The following GRIN3B variants were observed in gnomAD, a reference collection of about 807,000 sequenced individuals.
The protein encoded by GRIN3B is glutamate ionotropic receptor NMDA type subunit 3B.
In GRIN3B, 77 loss-of-function variants were observed where a neutral mutation model predicts 66.0. The observed-to-expected ratio is 1.17, with a 90% CI of 0.97 to 1.41. GRIN3B has a LOEUF of 1.41. Ranked by LOEUF, GRIN3B falls within the 40% of genes most tolerant of loss-of-function variation. The probability of loss-of-function intolerance (pLI) is 0.00; values close to 1 mark genes in which losing one functional copy is unlikely to be tolerated. For missense variants in GRIN3B, 1,787 were observed against 1,564.5 expected (o/e 1.14, Z -2.40); for synonymous variants, 823 against 749.7 (o/e 1.10, Z -1.60).
At position 1,009,463 on chromosome 19, in the gene GRIN3B, G is replaced by A. The variant is rs1337768337; in HGVS notation, c.2993G>A (p.Arg998His). 13 of 1,478,704 alleles carry A rather than the reference G, an allele frequency of 8.8e-6. No homozygotes were observed. The African/African-American group carries it at 1.6e-4, about 18-fold the overall frequency. 91.6% of individuals were successfully genotyped at this position (1,478,704 alleles called of 1,614,324 possible). A position where few individuals can be genotyped will look rare whatever the true frequency, so the allele number is the denominator to read the frequency against. The change falls in exon 9 of 9, where the codon CGC becomes CAC. Residue 998 changes from arginine (R) to histidine (H), a missense_variant. Physicochemically the swap from Arg to His is conservative, Grantham distance 29. Transcript: ENST00000234389. ...RRIEVARERL[R>H]QALVRRGQLL... ...ATCGAAGTCGCGCGTGAGCGGCTCC[G>A]CCAGGCCCTGGTGCGGCGCGGCCAG...
Position 1,000,859 on chromosome 19 carries a change from C to T in GRIN3B, c.422C>T (p.Ala141Val), listed in dbSNP as rs2038678248. The change falls in exon 1 of 9, where the codon GCC (alanine) becomes GTC (valine). Residue 141 changes from alanine (A) to valine (V), a missense_variant. By Grantham distance (64) the Ala-to-Val change is moderately conservative. Transcript: ENST00000234389. ...LRREARAPLG[A>V]PNPFHLQLHW... is the part of the protein sequence containing the mutation. ...CGGGAGGCGCGCGCGCCCCTCGGAG[C>T]CCCGGTACGCGGGACGCCCGGAGTC... 3.5e-6 allele frequency: 5 copies of T among 1,411,588 alleles called. No homozygotes were observed. Among genetic ancestry groups the T allele is most frequent in the East Asian group, 3.1e-5 (1 of 32,762 alleles). 87.4% of individuals were successfully genotyped at this position (1,411,588 alleles called of 1,614,324 possible).
Position 1,003,562 on chromosome 19 carries a change from C to T in GRIN3B, c.859C>T (p.Pro287Ser), listed in dbSNP as rs762142662. 4 of 1,508,720 alleles carry T rather than the reference C, an allele frequency of 2.7e-6. No individual in the cohort carries two copies. In the African/African-American group the frequency reaches 4.3e-5, roughly 16 times the overall value. The allele number at this position is 1,508,720 out of a possible 1,614,324, so 93.5% of individuals were successfully genotyped here. ...GLLALGEVAR[P>S]PLEAAIHDIV... is the part of the protein sequence containing the mutation. ...GCTGGCGCTGGGCGAGGTGGCACGA[C>T]CCCCGCTGGAGGCCGCCATCCATGA... Residue 287 changes from proline to serine, a missense_variant, in exon 2 of 9, where the codon CCC (proline) becomes TCC (serine). Pro to Ser is a moderately conservative substitution (Grantham distance 74). Transcript: ENST00000234389.
Position 1,007,836 on chromosome 19 carries a change from C to G in GRIN3B, c.2199-20C>G. The G allele has an allele frequency of 6.4e-7, 1 of 1,569,618 alleles. No individual in the cohort carries two copies. The highest frequency in any genetic ancestry group is 8.7e-7 in the Non-Finnish European group (1 of 1,149,892). On this transcript the variant is annotated intron_variant, in intron 4 of 8. Transcript: ENST00000234389. The surrounding 1 kb of genome is among the most constrained non-coding windows in gnomAD (Gnocchi z 4.4). ...GGGGTGGGCGGGGCGATGGCTGACC[C>G]CCGCCCCCGGCCCCAGCAGGAGCGA...
At position 1,000,464 on chromosome 19, in the gene GRIN3B, G is replaced by C. The variant is rs1018530107; in HGVS notation, c.27G>C (p.Leu9=). 1.4e-5 allele frequency: 17 copies of C among 1,211,320 alleles called. No individual in the cohort carries two copies. The highest frequency in any genetic ancestry group is 1.7e-5 in the Non-Finnish European group (17 of 973,498). The allele number at this position is 1,211,320 out of a possible 1,614,324, so 75.0% of individuals were successfully genotyped here. A position where few individuals can be genotyped will look rare whatever the true frequency, so the allele number is the denominator to read the frequency against. Residue 9 remains leucine (L), a synonymous_variant, in exon 1 of 9, where the codon CTG becomes CTC. Coordinates refer to ENST00000234389, the MANE Select transcript of GRIN3B (RefSeq NM_138690.3). MEFVRALW[L]GLALALGPGS... ...TGGAGTTTGTGCGGGCGCTGTGGCT[G>C]GGCCTGGCGCTGGCGCTGGGGCCGG...
In GRIN3B at chr19:1,005,127, G is replaced by A. The variant is rs764650116; in HGVS notation, c.1626G>A (p.Val542=). 1 of 1,613,098 alleles carries A rather than the reference G, an allele frequency of 6.2e-7. No individual in the cohort carries two copies. Among genetic ancestry groups the A allele is most frequent in the East Asian group, 2.2e-5 (1 of 44,880 alleles). Residue 542 remains valine, a synonymous_variant, in exon 3 of 9, where the codon GTG becomes GTA. Coordinates refer to ENST00000234389, the MANE Select transcript of GRIN3B (RefSeq NM_138690.3). This position sits in a 1 kb window ranked among gnomAD's most constrained non-coding sequence, Gnocchi z 5.2. ...FSINSARSQV[V]DFTSPFFSTS... ...TCAACTCCGCCCGCTCACAGGTGGT[G>A]GACTTCACCAGCCCCTTCTTCTCCA...
intron 6 of GRIN3B, 114 bp from the exon 7 acceptor site, chr19:1,008,504 G>T: frequency 7.8e-7 from 1 of 1,278,158 alleles, no homozygotes; most frequent in East Asian, 2.4e-5. Flanking sequence ...CTCCCAACCT[G>T]GCTCCACTGC....
At position 1,009,323 on chromosome 19, in the gene GRIN3B, G is replaced by C. The variant is rs1306332975; in HGVS notation, c.2853G>C (p.Glu951Asp). ...TTGTGGCACCCGAAGCGGACGCGGA[G>C]GCGGAGGCTGCGCCGCGAGAGGGCC... ...AVVVAPEADA[E>D]AEAAPREGPV... Residue 951 changes from glutamate (E) to aspartate (D), a missense_variant, in exon 9 of 9, where the codon GAG becomes GAC. Physicochemically the swap from Glu to Asp is conservative, Grantham distance 45. Transcript: ENST00000234389. 4.3e-6 allele frequency: 6 copies of C among 1,403,038 alleles called. No homozygotes were observed. In the South Asian group the frequency reaches 6.2e-5, roughly 14 times the overall value. The allele number at this position is 1,403,038 out of a possible 1,614,324, so 86.9% of individuals were successfully genotyped here.
chr19:1,006,207 G>T (rs2038747268), intron 3 of GRIN3B, among the ~76,000 whole-genome samples: 1 of 151,950 alleles, frequency 6.6e-6, no homozygotes. Context: ...GGAGCGCAGT[G>T]GCACGATCTT....
chr19:1,007,501 G>C lies in GRIN3B; in HGVS notation c.2053-127G>C. 8.9e-7 allele frequency: 1 copy of C among 1,126,662 alleles called. No individual in the cohort carries two copies. The allele number at this position is 1,126,662 out of a possible 1,614,324, so 69.8% of individuals were successfully genotyped here. A position where few individuals can be genotyped will look rare whatever the true frequency, so the allele number is the denominator to read the frequency against. The stretch of plus-strand genomic sequence containing the variant: ...GTGTGCTCTGGGCATGGAGTGGGTG[G>C]AGGCCAGGAATGCAGCCTCGGCGCC... On this transcript the variant is annotated intron_variant, in intron 3 of 8. Transcript: ENST00000234389. The surrounding 1 kb of genome is among the most constrained non-coding windows in gnomAD (Gnocchi z 4.4).
intron 6 of GRIN3B, 81 bp from the exon 7 acceptor site, chr19:1,008,537 A>T: frequency 6.7e-7 from 1 of 1,500,838 alleles, no homozygotes; most frequent in Non-Finnish European, 9.0e-7. Flanking sequence ...TCTCTGGCCC[A>T]ACCTGTTCTC....
chr19:1,009,589 G>A lies in GRIN3B; in HGVS notation c.3119G>A (p.Gly1040Glu), dbSNP rs1225297384. The change falls in exon 9 of 9, where the codon GGG (glycine) becomes GAG (glutamate). Residue 1040 changes from glycine to glutamate, a missense_variant. Coordinates refer to ENST00000234389, the MANE Select transcript of GRIN3B (RefSeq NM_138690.3). ...AEAPPHSGRP[G>E]SQE ...GCCCCACCACACTCTGGCCGACCGG[G>A]GAGCCAGGAATGAGGCGGCAGCCGG... The A allele has an allele frequency of 9.7e-6, 14 of 1,436,684 alleles. No homozygotes were observed. The highest frequency in any genetic ancestry group is 1.4e-5 in the South Asian group (1 of 70,938). 89.0% of individuals were successfully genotyped at this position (1,436,684 alleles called of 1,614,324 possible). A position where few individuals can be genotyped will look rare whatever the true frequency, so the allele number is the denominator to read the frequency against.
chr19:1,007,782 G>T lies in GRIN3B; in HGVS notation c.2198+9G>T, dbSNP rs767156355. 2 of 1,509,074 alleles carry T rather than the reference G, an allele frequency of 1.3e-6. No individual in the cohort carries two copies. Among genetic ancestry groups the T allele is most frequent in the East Asian group, 5.3e-5 (2 of 38,088 alleles). The allele number at this position is 1,509,074 out of a possible 1,614,324, so 93.5% of individuals were successfully genotyped here. A position where few individuals can be genotyped will look rare whatever the true frequency, so the allele number is the denominator to read the frequency against. On this transcript the variant is annotated intron_variant, in intron 4 of 8. Coordinates refer to ENST00000234389, the MANE Select transcript of GRIN3B (RefSeq NM_138690.3). The surrounding 1 kb of genome is among the most constrained non-coding windows in gnomAD (Gnocchi z 4.4). Reference sequence around the variant, plus strand: ...GGCGTCGCCATGCTCACGTGAGCCCGGGCGCGGGGTGAGGCGGGGGCGGGG... The same window carrying T: ...GGCGTCGCCATGCTCACGTGAGCCCTGGCGCGGGGTGAGGCGGGGGCGGGG...
chr19:1,004,898 G>GTTT lies in GRIN3B; in HGVS notation c.1397_1398insTTT (p.Gly466_Ser467insPhe), dbSNP rs748647527. On this transcript the variant is annotated inframe_insertion, in exon 3 of 9. Transcript: ENST00000234389. ...GCACTGTTCGCCGCGCTGGCCAACG[G>GTTT]CTCAGCGCCCCGTGCCCTGCGCAAG... 1 of 1,490,398 alleles carries GTTT rather than the reference G, an allele frequency of 6.7e-7. No homozygotes were observed. The allele number at this position is 1,490,398 out of a possible 1,614,324, so 92.3% of individuals were successfully genotyped here. A position where few individuals can be genotyped will look rare whatever the true frequency, so the allele number is the denominator to read the frequency against.
rs755166906 is a variant in GRIN3B at position 1,009,578 on chromosome 19, T to C, written c.3108T>C (p.Ser1036=). 1.0e-5 allele frequency: 9 copies of C among 886,280 alleles called. No individual in the cohort carries two copies. The highest frequency in any genetic ancestry group is 1.4e-5 in the Non-Finnish European group (9 of 658,298). The allele number at this position is 886,280 out of a possible 1,614,324, so 54.9% of individuals were successfully genotyped here. A position where few individuals can be genotyped will look rare whatever the true frequency, so the allele number is the denominator to read the frequency against. The change falls in exon 9 of 9, where the codon TCT becomes TCC. Residue 1036 remains serine, a synonymous_variant. Coordinates refer to ENST00000234389, the MANE Select transcript of GRIN3B (RefSeq NM_138690.3). ...RAAPAEAPPH[S]GRPGSQE is the part of the protein sequence containing the mutation. ...CCCCCGCGGAGGCCCCACCACACTC[T>C]GGCCGACCGGGGAGCCAGGAATGAG...
rs752844597 is a variant in GRIN3B, at chr19:1,007,207, C to G, written c.2053-421C>G. Among the ~76,000 whole-genome samples, 1 of 152,084 alleles carries G rather than the reference C, an allele frequency of 6.6e-6. No individual in the cohort carries two copies. Among genetic ancestry groups the G allele is most frequent in the Admixed American group, 6.5e-5 (1 of 15,272 alleles). On this transcript the variant is annotated intron_variant, in intron 3 of 8. Transcript: ENST00000234389. This position sits in a 1 kb window ranked among gnomAD's most constrained non-coding sequence, Gnocchi z 4.4. Reference sequence around the variant, plus strand: ...AACAGGGTGTCAGAGGCAGTGACGACAGAGCTGCCTCCGCCTGGGGTGGGA... The same window carrying G: ...AACAGGGTGTCAGAGGCAGTGACGAGAGAGCTGCCTCCGCCTGGGGTGGGA...
Position 1,003,295 on chromosome 19 carries a change from C to T in GRIN3B, c.592C>T (p.Pro198Ser), listed in dbSNP as rs1327126425. ...VALWTSRAGR[P>S]PQLVLDLSRR... ...CCTCTGGACAAGCCGGGCTGGCCGG[C>T]CCCCACAGCTGGTCCTGGACCTAAG... Residue 198 changes from proline to serine, a missense_variant, in exon 2 of 9, where the codon CCC (proline) becomes TCC (serine). Pro to Ser is a moderately conservative substitution (Grantham distance 74, BLOSUM62 -1). Coordinates refer to ENST00000234389, the MANE Select transcript of GRIN3B (RefSeq NM_138690.3). 3 of 1,570,598 alleles carry T rather than the reference C, an allele frequency of 1.9e-6. No homozygotes were observed. Among genetic ancestry groups the T allele is most frequent in the Non-Finnish European group, 1.7e-6 (2 of 1,160,216 alleles).
intron 3 of GRIN3B, among the ~76,000 whole-genome samples, chr19:1,006,074 G>T (rs759035893): frequency 6.6e-6 from 1 of 152,152 alleles, no homozygotes; most frequent in Non-Finnish European, 1.5e-5. Flanking sequence ...GGTCTCAAAC[G>T]CCGGGGCTCA....
chr19:1,005,032 G>A lies in GRIN3B; in HGVS notation c.1531G>A (p.Gly511Ser), dbSNP rs771231260. Residue 511 changes from glycine (G) to serine (S), a missense_variant, in exon 3 of 9, where the codon GGC becomes AGC. Gly to Ser is a moderately conservative substitution (Grantham distance 56). Coordinates refer to ENST00000234389, the MANE Select transcript of GRIN3B (RefSeq NM_138690.3). This position sits in a 1 kb window ranked among gnomAD's most constrained non-coding sequence, Gnocchi z 5.2. ...CGGCAAGTACGGCGCCCTGCGGGAC[G>A]GCCGCTGGACCGGCCTGGTCGGGGA... The part of the protein sequence containing the change: ...GDGKYGALRD[G>S]RWTGLVGDLL... 5.8e-5 allele frequency: 94 copies of A among 1,611,676 alleles called. No homozygotes were observed. Among genetic ancestry groups the A allele is most frequent in the Non-Finnish European group, 3.5e-5 (41 of 1,179,328 alleles).
At position 1,005,726 on chromosome 19, in the gene GRIN3B, G is replaced by A. The variant is rs965186921; in HGVS notation, c.2052+173G>A. 2.0e-5 allele frequency among the ~76,000 whole-genome samples: 3 copies of A among 152,148 alleles called. No homozygotes were observed. Among genetic ancestry groups the A allele is most frequent in the Admixed American group, 6.5e-5 (1 of 15,268 alleles). On this transcript the variant is annotated intron_variant, in intron 3 of 8. Coordinates refer to ENST00000234389, the MANE Select transcript of GRIN3B (RefSeq NM_138690.3). This position sits in a 1 kb window ranked among gnomAD's most constrained non-coding sequence, Gnocchi z 5.2. The stretch of plus-strand genomic sequence containing the variant: ...TTTATTTAAAGAAAAATAGCCGGGC[G>A]CGGTGGCTCACGCCTGTAATCCCAG...
Sources: allele counts gnomAD v4.1 joint callset (sites outside exome capture counted in the v4.1 genomes callset), GRCh38; gene constraint gnomAD v4.1.1; non-coding constraint Gnocchi (gnomAD v3.1); transcripts MANE v1.5; gene names NCBI Gene and HGNC (gene_info 2026-07-23, HGNC 2026-07-21).